The following AP2A2 variants were observed in gnomAD, a reference collection of about 807,000 sequenced individuals.
The protein encoded by AP2A2 is adaptor related protein complex 2 subunit alpha 2, also known as AP-2 complex subunit alpha-2.
Under a neutral mutation model 104.2 loss-of-function variants are expected in AP2A2, and 32 were observed. That is an observed-to-expected ratio of 0.31 (90% CI 0.23 to 0.41). The LOEUF (loss-of-function observed/expected upper bound fraction) is 0.41, where lower values mean the gene tolerates loss of function less well. AP2A2 is among the 10% of genes least tolerant of loss of function. The probability of loss-of-function intolerance (pLI) is 1.00; values close to 1 mark genes in which losing one functional copy is unlikely to be tolerated. For synonymous variants in AP2A2, 539 were observed against 533.3 expected (o/e 1.01, Z -0.15); for missense variants, 912 against 1,261.0 (o/e 0.72, Z 4.19).
chr11:978,299 G>T (rs538031712), intron 5 of AP2A2, among the ~76,000 whole-genome samples: 22 of 152,300 alleles, frequency 1.4e-4, no homozygotes, highest in East Asian at 3.9e-4. Context: ...CGCTCTGTGG[G>T]ACTGGCCGGG....
chr11:997,097 G>A (rs1005133478), intron 14 of AP2A2, among the ~76,000 whole-genome samples: 3 of 152,202 alleles, frequency 2.0e-5, no homozygotes, highest in African/African-American at 4.8e-5. Context: ...CCGTGAAGGG[G>A]CCTCAGGGTG....
intron 10 of AP2A2, among the ~76,000 whole-genome samples, chr11:991,524 A>G (rs1187778230): frequency 2.0e-5 from 3 of 152,170 alleles, no homozygotes; most frequent in Non-Finnish European, 4.4e-5. Flanking sequence ...GCTGGGGAGC[A>G]GGGCACGCGA....
rs1433046813 is a variant in AP2A2 at position 992,665 on chromosome 11, G to A, written c.1432G>A (p.Ala478Thr). The A allele has an allele frequency of 1.2e-6, 2 of 1,613,930 alleles. No homozygotes were observed. Among genetic ancestry groups the A allele is most frequent in the African/African-American group, 1.3e-5 (1 of 75,058 alleles). ...VINRDDVQGY[A>T]AKTVFEALQA... ...CAACCGGGACGACGTGCAGGGCTAC[G>A]CGGCCAAGACTGTGTTCGAGGTATG... The change falls in exon 11 of 22, where the codon GCG becomes ACG. Residue 478 changes from alanine to threonine, a missense_variant. Transcript: ENST00000448903. The surrounding 1 kb of genome is among the most constrained non-coding windows in gnomAD (Gnocchi z 6.4).
At chr11:942,334 C>T (rs916550421) in intron 1 of AP2A2, 1 of 152,192 alleles carries the variant, frequency 6.6e-6, no homozygotes, top group Admixed American at 6.5e-5. Flanking sequence ...GCATTTATTC[C>T]TTGTCTGAAG....
At chr11:930,806 C>T (rs1853267856) in intron 1 of AP2A2, among the ~76,000 whole-genome samples, 1 of 152,234 alleles carries the variant, frequency 6.6e-6, no homozygotes, top group Non-Finnish European at 1.5e-5. Flanking sequence ...AGGCGTGAGC[C>T]ACTGTGCCTG....
In AP2A2 at chr11:1,009,212, A is replaced by C; in HGVS notation, c.2533A>C (p.Ser845Arg). 1 of 1,613,460 alleles carries C rather than the reference A, an allele frequency of 6.2e-7. No individual in the cohort carries two copies. Among genetic ancestry groups the C allele is most frequent in the South Asian group, 1.1e-5 (1 of 91,072 alleles). ...TTTCTTTCAACGTTGGAAGCAGTTG[A>C]GCAAGTGAGAAACCTGTTTCCTGTA... ...QDFFQRWKQL[S>R]NPQQEVQNIF... The change falls in exon 19 of 22, where the codon AGC (serine) becomes CGC (arginine). Residue 845 changes from serine (S) to arginine (R), a missense_variant. Ser to Arg is a moderately radical substitution (Grantham distance 110, BLOSUM62 -1). Transcript: ENST00000448903.
At chr11:969,246 T>TTTTG (rs1854735462) in intron 2 of AP2A2, among the ~76,000 whole-genome samples, 1 of 129,036 alleles carries the variant, frequency 7.7e-6, no homozygotes, top group African/African-American at 2.8e-5. Context: ...TTTTTTTTTT[T>TTTTG]TGAGATGGAG....
At position 925,961 on chromosome 11, in the gene AP2A2, C is replaced by CCCGCTCCGA; in HGVS notation, c.-54_-53insGACCGCTCC. 7.7e-7 allele frequency: 1 copy of CCCGCTCCGA among 1,303,480 alleles called. No homozygotes were observed. Among genetic ancestry groups the CCCGCTCCGA allele is most frequent in the South Asian group, 1.7e-5 (1 of 58,446 alleles). 80.7% of individuals were successfully genotyped at this position (1,303,480 alleles called of 1,614,324 possible). A position where few individuals can be genotyped will look rare whatever the true frequency, so the allele number is the denominator to read the frequency against. ...GTGACGGCGACCGCACTCCCCGCTT[C>CCCGCTCCGA]CCGCTCCCCGCGCTCCTCCGCCCGG... is the stretch of plus-strand genomic sequence containing the variant. On this transcript the variant is annotated 5_prime_UTR_variant, in exon 1 of 22. Coordinates refer to ENST00000448903, the MANE Select transcript of AP2A2 (RefSeq NM_012305.4).
intron 6 of AP2A2, among the ~76,000 whole-genome samples, chr11:984,148 G>A (rs1428973647): frequency 6.6e-6 from 1 of 152,204 alleles, no homozygotes; most frequent in East Asian, 1.9e-4. Flanking sequence ...GGTTGACGGA[G>A]GATCTGCCAA....
At chr11:932,046 C>T (rs1221411444) in intron 1 of AP2A2, among the ~76,000 whole-genome samples, 5 of 152,228 alleles carry the variant, frequency 3.3e-5, no homozygotes, top group Non-Finnish European at 4.4e-5. Flanking sequence ...TGAGCCACCA[C>T]GCCCGGCCAG....
chr11:962,249 G>A (rs1471529448), intron 2 of AP2A2, among the ~76,000 whole-genome samples: 1 of 152,246 alleles, frequency 6.6e-6, no homozygotes, highest in Non-Finnish European at 1.5e-5. Context: ...GAGGAAATGA[G>A]GAAATGCATA....
At chr11:943,074 A>C (rs1853708149) in intron 1 of AP2A2, 1 of 152,230 alleles carries the variant, frequency 6.6e-6, no homozygotes, top group Admixed American at 6.5e-5. Flanking sequence ...TGCCAAAGGA[A>C]AGCGAGTGAG....
At chr11:953,556 C>T (rs956416880) in intron 1 of AP2A2, among the ~76,000 whole-genome samples, 3 of 151,984 alleles carry the variant, frequency 2.0e-5, no homozygotes, top group Non-Finnish European at 4.4e-5. Context: ...CCCCCCCCCC[C>T]CATTGTCTTC....
At chr11:952,111 C>G (rs7394681) in intron 1 of AP2A2, among the ~76,000 whole-genome samples, 1 of 152,022 alleles carries the variant, frequency 6.6e-6, no homozygotes, top group Non-Finnish European at 1.5e-5. Context: ...TCAAAACAGC[C>G]CTCCCACTTC....
At chr11:985,714 C>T in intron 8 of AP2A2, 132 bp downstream of exon 8, 2 of 1,301,428 alleles carry the variant, frequency 1.5e-6, no homozygotes, top group South Asian at 1.3e-5. Flanking sequence ...CCTCTGTGCT[C>T]CCTGCCGGAT....
At chr11:965,300 A>C (rs1009845496) in intron 2 of AP2A2, among the ~76,000 whole-genome samples, 15 of 152,140 alleles carry the variant, frequency 9.9e-5, no homozygotes, top group African/African-American at 3.1e-4. Flanking sequence ...TGGAATGGGC[A>C]GGACAGCGGG....
At chr11:997,929 A>G (rs573611899) in intron 14 of AP2A2, among the ~76,000 whole-genome samples, 1 of 152,344 alleles carries the variant, frequency 6.6e-6, no homozygotes, top group East Asian at 1.9e-4. Context: ...AAATAAAATA[A>G]AAGCCATAGA....
At chr11:931,944 C>T (rs567823605) in intron 1 of AP2A2, among the ~76,000 whole-genome samples, 12 of 151,976 alleles carry the variant, frequency 7.9e-5, no homozygotes, top group Non-Finnish European at 1.2e-4. Context: ...GCTGGGGCTC[C>T]GCCACCACCA....
In AP2A2 at chr11:1,010,674, G is replaced by A; in HGVS notation, c.*49G>A. On this transcript the variant is annotated 3_prime_UTR_variant, in exon 22 of 22. Coordinates refer to ENST00000448903, the MANE Select transcript of AP2A2 (RefSeq NM_012305.4). ...CGTGTGTCTTGTGTTGTCTTCGTCT[G>A]TGCCGTTTGTCTTCGTGGCCATCCT... 6.7e-7 allele frequency: 1 copy of A among 1,493,498 alleles called. No individual in the cohort carries two copies. The highest frequency in any genetic ancestry group is 9.2e-7 in the Non-Finnish European group (1 of 1,092,004). 92.5% of individuals were successfully genotyped at this position (1,493,498 alleles called of 1,614,324 possible).
Sources: allele counts gnomAD v4.1 joint callset (sites outside exome capture counted in the v4.1 genomes callset), GRCh38; gene constraint gnomAD v4.1.1; non-coding constraint Gnocchi (gnomAD v3.1); transcripts MANE v1.5; gene names NCBI Gene and HGNC (gene_info 2026-07-23, HGNC 2026-07-21).